DLG2: variants seen among roughly 807,000 people sequenced by gnomAD.
The protein encoded by DLG2 is disks large homolog 2.
DLG2 carries 45 observed loss-of-function variants against 132.5 expected under a neutral mutation model. The observed-to-expected ratio is 0.34, with a 90% CI of 0.27 to 0.44. DLG2 has a LOEUF of 0.44. Ranked by LOEUF, DLG2 falls within the 20% of genes least tolerant of loss-of-function variation. DLG2 has a pLI of 1.00. For missense variants in DLG2, 1,045 were observed against 1,196.9 expected (o/e 0.87, Z 1.87); for synonymous variants, 424 against 419.6 (o/e 1.01, Z -0.13).
At chr11:84,683,300 TC>T (rs752127770) in intron 6 of DLG2, among the ~76,000 whole-genome samples, 39 of 152,294 alleles carry the variant, frequency 2.6e-4, no homozygotes, top group South Asian at 1.7e-3. Context: ...CTATCTCCAT[TC>T]TCCAGACTTA....
intron 7 of DLG2, among the ~76,000 whole-genome samples, chr11:84,456,600 T>A (rs541672477): frequency 5.3e-5 from 8 of 151,432 alleles, no homozygotes; most frequent in African/African-American, 1.9e-4. Flanking sequence ...TCTAACCTAT[T>A]CCTGAAATTC....
intron 4 of DLG2, among the ~76,000 whole-genome samples, chr11:85,243,671 CA>C (rs1439458347): frequency 2.0e-5 from 3 of 151,684 alleles, no homozygotes; most frequent in Non-Finnish European, 4.4e-5. Flanking sequence ...AGTCATATGC[CA>C]AAAACAAATA....
intron 7 of DLG2, among the ~76,000 whole-genome samples, chr11:84,518,708 T>G (rs2099281722): frequency 6.6e-6 from 1 of 152,088 alleles, no homozygotes. Context: ...CCCAATTAAA[T>G]CACCCAGTGA....
chr11:85,191,865 G>T (rs1008125002), intron 4 of DLG2, among the ~76,000 whole-genome samples: 12 of 152,122 alleles, frequency 7.9e-5, no homozygotes, highest in African/African-American at 2.9e-4. Flanking sequence ...CTTACAATAA[G>T]TTTGAGAGAT....
chr11:84,241,088 A>G (rs1411453995), intron 8 of DLG2, among the ~76,000 whole-genome samples: 1 of 152,166 alleles, frequency 6.6e-6, no homozygotes, highest in Non-Finnish European at 1.5e-5. Flanking sequence ...CCTTTTACCT[A>G]CTTTGCCTAG....
intron 6 of DLG2, among the ~76,000 whole-genome samples, chr11:84,827,219 C>T (rs2078437009): frequency 6.6e-6 from 1 of 151,648 alleles, no homozygotes; most frequent in South Asian, 2.1e-4. Context: ...TTCAAACTTT[C>T]CTTATGTTAA....
chr11:83,463,226 G>T (rs2090373034), intron 26 of DLG2, among the ~76,000 whole-genome samples: 1 of 150,024 alleles, frequency 6.7e-6, no homozygotes, highest in African/African-American at 2.5e-5. Context: ...ATTATACCAA[G>T]ACTTGATATC....
intron 18 of DLG2, among the ~76,000 whole-genome samples, chr11:83,722,022 A>G (rs2088722542): frequency 6.6e-6 from 1 of 152,244 alleles, no homozygotes; most frequent in Admixed American, 6.5e-5. Context: ...ATGACTGACA[A>G]GAAGAAAAAG....
chr11:84,274,866 G>A (rs773714035), intron 7 of DLG2, among the ~76,000 whole-genome samples: 1 of 152,024 alleles, frequency 6.6e-6, no homozygotes, highest in Non-Finnish European at 1.5e-5. Context: ...GTTCTGTTCA[G>A]CTCACACCCA....
chr11:85,495,937 G>A (rs1476898756), intron 3 of DLG2, among the ~76,000 whole-genome samples: 2 of 152,172 alleles, frequency 1.3e-5, no homozygotes, highest in African/African-American at 4.8e-5. Flanking sequence ...TGGCTTCCAA[G>A]ATGGCCAAAC....
At chr11:83,753,843 T>TGATATGG (rs1566831867) in intron 18 of DLG2, among the ~76,000 whole-genome samples, 5 of 10,476 alleles carry the variant, frequency 4.8e-4, no homozygotes, top group South Asian at 5.3e-3. Flanking sequence ...ATGATATATA[T>TGATATGG]CATATATATC....
At chr11:84,864,883 A>G (rs557609482) in intron 6 of DLG2, among the ~76,000 whole-genome samples, 1 of 152,284 alleles carries the variant, frequency 6.6e-6, no homozygotes, top group Non-Finnish European at 1.5e-5. Flanking sequence ...ATTTTTAGGT[A>G]GAAGAGATGG....
At chr11:83,699,868 T>A (rs1245962378) in intron 18 of DLG2, among the ~76,000 whole-genome samples, 2 of 145,394 alleles carry the variant, frequency 1.4e-5, no homozygotes, top group Non-Finnish European at 3.0e-5. Flanking sequence ...TATGCATGTA[T>A]CTGTCTGTCT....
intron 6 of DLG2, among the ~76,000 whole-genome samples, chr11:84,786,457 T>C (rs1257485194): frequency 6.6e-6 from 1 of 152,124 alleles, no homozygotes. Context: ...ATTCCAGAAG[T>C]TAATAGCTAA....
At position 85,093,386 on chromosome 11, in the gene DLG2, T is replaced by C. The variant is rs74789776; in HGVS notation, c.357+18275A>G. ...CACTTGAAACATCAAGAGCAGATAT[T>C]CCCCACCCAGTACACTCAGACTCAC... On this transcript the variant is annotated intron_variant, in intron 6 of 27. Coordinates refer to ENST00000376104, the MANE Select transcript of DLG2 (RefSeq NM_001142699.3). 5.9e-5 allele frequency among the ~76,000 whole-genome samples: 9 copies of C among 152,204 alleles called. No homozygotes were observed. In the East Asian group the frequency reaches 1.5e-3, roughly 26 times the overall value.
intron 5 of DLG2, among the ~76,000 whole-genome samples, chr11:85,127,149 C>G (rs2075208467): frequency 6.6e-6 from 1 of 152,052 alleles, no homozygotes; most frequent in African/African-American, 2.4e-5. Context: ...TCTGCATCCT[C>G]TATATCTTGT....
At chr11:84,109,944 C>T (rs2093240974) in intron 9 of DLG2, among the ~76,000 whole-genome samples, 1 of 152,204 alleles carries the variant, frequency 6.6e-6, no homozygotes, top group Non-Finnish European at 1.5e-5. Context: ...CTTGTTGATT[C>T]TACCCCTGAA....
intron 8 of DLG2, among the ~76,000 whole-genome samples, chr11:84,250,456 A>G (rs2097356774): frequency 6.6e-6 from 1 of 152,152 alleles, no homozygotes. Context: ...GTTGTTGTCC[A>G]TTACCCTTGT....
At chr11:85,101,647 C>T (rs1378016424) in intron 6 of DLG2, among the ~76,000 whole-genome samples, 1 of 152,022 alleles carries the variant, frequency 6.6e-6, no homozygotes, top group Non-Finnish European at 1.5e-5. Context: ...TTTTGTACTC[C>T]TAATAGCTTA....
Sources: allele counts gnomAD v4.1 joint callset (sites outside exome capture counted in the v4.1 genomes callset), GRCh38; gene constraint gnomAD v4.1.1; transcripts MANE v1.5; gene names NCBI Gene and HGNC (gene_info 2026-07-23, HGNC 2026-07-21).